Variants in NIM1K observed in about 807,000 individuals in gnomAD.
The protein encoded by NIM1K is NIM1 serine/threonine protein kinase.
A neutral mutation model predicts 37.1 loss-of-function variants in NIM1K; 35 were observed. That is an observed-to-expected ratio of 0.94 (90% CI 0.72 to 1.25). The LOEUF (loss-of-function observed/expected upper bound fraction) is 1.25, where lower values mean the gene tolerates loss of function less well. NIM1K is among the 50% of genes most tolerant of loss of function. The probability of loss-of-function intolerance (pLI) is 0.00; values close to 1 mark genes in which losing one functional copy is unlikely to be tolerated. For synonymous variants in NIM1K, 234 were observed against 206.6 expected (o/e 1.13, Z -1.14); for missense variants, 564 against 548.0 (o/e 1.03, Z -0.29).
At chr5:43,260,879 C>T (rs1453955080) in intron 2 of NIM1K, among the ~76,000 whole-genome samples, 13 of 152,044 alleles carry the variant, frequency 8.6e-5, no homozygotes, top group South Asian at 4.1e-4. Context: ...TCTGTCCTTG[C>T]GATAGTTTGC....
chr5:43,273,899 C>T (rs1430988778), intron 2 of NIM1K, among the ~76,000 whole-genome samples: 1 of 152,110 alleles, frequency 6.6e-6, no homozygotes, highest in Non-Finnish European at 1.5e-5. Context: ...TCTCATTGGA[C>T]TGTGAGAATA....
At chr5:43,198,531 C>A (rs540350431) in intron 1 of NIM1K, among the ~76,000 whole-genome samples, 6 of 151,698 alleles carry the variant, frequency 4.0e-5, no homozygotes, top group Non-Finnish European at 8.8e-5. Flanking sequence ...AAAAAAAGAG[C>A]GGACTTTATT....
chr5:43,213,216 TC>T (rs771645497), intron 1 of NIM1K, among the ~76,000 whole-genome samples: 1,755 of 61,734 alleles, frequency 0.028, 48 homozygotes, highest in African/African-American at 0.052. Flanking sequence ...TTTCTTTCTT[TC>T]TTTCTTTCCT....
At chr5:43,254,638 T>C (rs1005758992) in intron 2 of NIM1K, among the ~76,000 whole-genome samples, 2 of 152,262 alleles carry the variant, frequency 1.3e-5, no homozygotes, top group Non-Finnish European at 2.9e-5. Context: ...CAGCACCTTC[T>C]GGTAGGTGCT....
Position 43,280,476 on chromosome 5 carries a change from A to G in NIM1K, c.1058A>G (p.Glu353Gly), listed in dbSNP as rs752852845. Reference protein sequence around the residue: ...HLSETSTLKEEENEVKSTLEH... With the variant: ...HLSETSTLKEGENEVKSTLEH... ...TCGGAAACCAGCACTCTCAAGGAAG[A>G]AGAAAATGAGGTCAAAAGCACTTTA... Residue 353 changes from glutamate to glycine, a missense_variant, in exon 4 of 4, where the codon GAA becomes GGA. Glu to Gly is a moderately conservative substitution (Grantham distance 98). Coordinates refer to ENST00000326035, the MANE Select transcript of NIM1K (RefSeq NM_153361.4). The G allele has an allele frequency of 6.2e-7, 1 of 1,614,240 alleles. No individual in the cohort carries two copies. Among genetic ancestry groups the G allele is most frequent in the Non-Finnish European group, 8.5e-7 (1 of 1,180,048 alleles).
chr5:43,232,380 T>TG (rs1360443530), intron 1 of NIM1K: 12 of 1,388,092 alleles, frequency 8.6e-6, no homozygotes, highest in Non-Finnish European at 1.0e-5. Context: ...CGGAAGTGGA[T>TG]GGGGGGATAG....
intron 2 of NIM1K, among the ~76,000 whole-genome samples, chr5:43,259,441 C>G (rs1752995329): frequency 6.6e-6 from 1 of 152,186 alleles, no homozygotes; most frequent in African/African-American, 2.4e-5. Flanking sequence ...ATGCCAACAT[C>G]TACTGTTTTT....
intron 1 of NIM1K, among the ~76,000 whole-genome samples, chr5:43,242,479 A>G (rs1257994789): frequency 6.6e-6 from 1 of 151,874 alleles, no homozygotes; most frequent in Non-Finnish European, 1.5e-5. Context: ...ATTTCGAAGC[A>G]GTTCTGTCAC....
At chr5:43,201,282 G>A (rs1006345299) in intron 1 of NIM1K, among the ~76,000 whole-genome samples, 5 of 152,102 alleles carry the variant, frequency 3.3e-5, no homozygotes, top group African/African-American at 4.8e-5. Context: ...GGTGGCGGGC[G>A]CCTGCATTCC....
chr5:43,206,464 C>A (rs1752112101), intron 1 of NIM1K, among the ~76,000 whole-genome samples: 1 of 137,808 alleles, frequency 7.3e-6, no homozygotes, highest in African/African-American at 2.7e-5. Flanking sequence ...TGTGCCGCTG[C>A]ACTCCAGCAT....
At chr5:43,259,948 T>G (rs957800707) in intron 2 of NIM1K, among the ~76,000 whole-genome samples, 1 of 152,186 alleles carries the variant, frequency 6.6e-6, no homozygotes, top group Non-Finnish European at 1.5e-5. Flanking sequence ...TCATATTGAG[T>G]TGATTTTTGT....
At chr5:43,243,778 C>A (rs1250757927) in intron 1 of NIM1K, among the ~76,000 whole-genome samples, 1 of 152,126 alleles carries the variant, frequency 6.6e-6, no homozygotes, top group Non-Finnish European at 1.5e-5. Context: ...TGGGCTCAAG[C>A]CATCCTCCCA....
chr5:43,220,992 T>C (rs990138177), intron 1 of NIM1K, among the ~76,000 whole-genome samples: 30 of 152,066 alleles, frequency 2.0e-4, no homozygotes, highest in Non-Finnish European at 4.4e-5. Flanking sequence ...CCTGGAACAG[T>C]GTCTGCCACA....
intron 1 of NIM1K, among the ~76,000 whole-genome samples, chr5:43,201,961 G>C (rs564093199): frequency 3.4e-4 from 50 of 145,840 alleles, no homozygotes; most frequent in African/African-American, 1.3e-3. Context: ...CCCTCTGAGC[G>C]AGACTCCCTC....
intron 2 of NIM1K, among the ~76,000 whole-genome samples, chr5:43,265,845 G>A (rs1753138925): frequency 1.3e-5 from 2 of 152,238 alleles, no homozygotes; most frequent in Non-Finnish European, 2.9e-5. Context: ...CCTTCTAACA[G>A]ACAGGACCCT....
At chr5:43,254,986 A>T (rs1752919012) in intron 2 of NIM1K, among the ~76,000 whole-genome samples, 1 of 152,216 alleles carries the variant, frequency 6.6e-6, no homozygotes, top group African/African-American at 2.4e-5. Context: ...AATTCACCCT[A>T]AAAATAAATC....
chr5:43,255,822 A>C (rs1023908669), intron 2 of NIM1K, among the ~76,000 whole-genome samples: 2 of 151,388 alleles, frequency 1.3e-5, no homozygotes, highest in African/African-American at 4.9e-5. Context: ...CAGTTTTTAG[A>C]TAAGTTGGCC....
intron 1 of NIM1K, among the ~76,000 whole-genome samples, chr5:43,235,564 T>C (rs1186476016): frequency 6.6e-6 from 1 of 152,256 alleles, no homozygotes; most frequent in East Asian, 1.9e-4. Context: ...GTTTTCATAA[T>C]CTTCCTGTTG....
intron 2 of NIM1K, among the ~76,000 whole-genome samples, chr5:43,266,693 G>A (rs917205480): frequency 5.3e-5 from 8 of 152,328 alleles, no homozygotes; most frequent in South Asian, 4.1e-4. Context: ...TGTCTTCTGC[G>A]TTGCTCATGC....
Sources: gnomAD v4.1 joint callset for allele counts (sites outside exome capture counted in the v4.1 genomes callset) on GRCh38, gnomAD v4.1.1 for gene constraint, MANE v1.5 for transcripts, NCBI Gene and HGNC (gene_info 2026-07-23, HGNC 2026-07-21) for gene names.